Variants in ERC2 observed in about 807,000 individuals in gnomAD.
ERC2 encodes the protein ELKS/RAB6-interacting/CAST family member 2.
Under a neutral mutation model 114.8 loss-of-function variants are expected in ERC2, and 42 were observed. The ratio of observed to expected loss-of-function variants is 0.37; its 90% CI spans 0.29 to 0.47. The LOEUF (loss-of-function observed/expected upper bound fraction) is 0.47, where lower values mean the gene tolerates loss of function less well. Among genes scored for constraint, ERC2 ranks in the 20% least tolerant of loss-of-function variants. The pLI is 0.99. For missense variants in ERC2, 939 were observed against 1,150.7 expected (o/e 0.82, Z 2.66); for synonymous variants, 454 against 425.5 (o/e 1.07, Z -0.82).
intron 7 of ERC2, among the ~76,000 whole-genome samples, chr3:56,037,829 G>A (rs1260982386): frequency 6.6e-6 from 1 of 152,064 alleles, no homozygotes. Context: ...AAAAAGGGAA[G>A]CCCAGCAGAC....
chr3:55,907,016 G>C (rs900694189), intron 13 of ERC2, among the ~76,000 whole-genome samples: 3 of 152,136 alleles, frequency 2.0e-5, no homozygotes, highest in Non-Finnish European at 4.4e-5. Flanking sequence ...TGAGGGTAAG[G>C]TTTCCTGAAA....
intron 2 of ERC2, among the ~76,000 whole-genome samples, chr3:56,417,783 G>T (rs1444441849): frequency 2.6e-5 from 4 of 152,172 alleles, no homozygotes; most frequent in Non-Finnish European, 5.9e-5. Context: ...CATGTTGCCA[G>T]TTCTGCTCAC....
At chr3:55,571,604 A>T (rs2056718238) in intron 17 of ERC2, among the ~76,000 whole-genome samples, 1 of 152,178 alleles carries the variant, frequency 6.6e-6, no homozygotes, top group Non-Finnish European at 1.5e-5. Flanking sequence ...CAAAAGCCAC[A>T]ACAAAGGCTC....
intron 17 of ERC2, among the ~76,000 whole-genome samples, chr3:55,648,751 G>C (rs2060493237): frequency 6.6e-6 from 1 of 152,174 alleles, no homozygotes; most frequent in Admixed American, 6.5e-5. Context: ...GGCTGCCGAG[G>C]ACTGAGCCCC....
At chr3:55,587,462 G>A (rs899859659) in intron 17 of ERC2, among the ~76,000 whole-genome samples, 4 of 152,192 alleles carry the variant, frequency 2.6e-5, no homozygotes, top group African/African-American at 9.7e-5. Flanking sequence ...AAACATACCA[G>A]AACGTCTATC....
At chr3:56,040,856 A>G (rs1476170146) in intron 7 of ERC2, among the ~76,000 whole-genome samples, 1 of 150,690 alleles carries the variant, frequency 6.6e-6, no homozygotes, top group African/African-American at 2.4e-5. Flanking sequence ...AGAATTTTCT[A>G]AGGGTATTAT....
At chr3:56,039,088 T>C (rs2074981082) in intron 7 of ERC2, among the ~76,000 whole-genome samples, 1 of 152,192 alleles carries the variant, frequency 6.6e-6, no homozygotes, top group Non-Finnish European at 1.5e-5. Context: ...ATCCTCACCC[T>C]CATACCACTC....
chr3:55,978,572 C>T (rs543072022), intron 12 of ERC2, among the ~76,000 whole-genome samples: 1 of 152,344 alleles, frequency 6.6e-6, no homozygotes, highest in African/African-American at 2.4e-5. Context: ...ATCTTTGTCA[C>T]ATCCACAATC....
chr3:55,935,864 A>C (rs1389725839), intron 13 of ERC2, among the ~76,000 whole-genome samples: 1 of 152,210 alleles, frequency 6.6e-6, no homozygotes, highest in Non-Finnish European at 1.5e-5. Context: ...AATGAAAAAC[A>C]GCTAGGGTAG....
At chr3:56,391,795 G>T (rs1051489896) in intron 2 of ERC2, among the ~76,000 whole-genome samples, 2 of 152,178 alleles carry the variant, frequency 1.3e-5, no homozygotes, top group African/African-American at 4.8e-5. Context: ...GGAGAAAAAT[G>T]TGCCTGTAAT....
At chr3:55,730,635 C>T (rs546181581) in intron 15 of ERC2, among the ~76,000 whole-genome samples, 1 of 152,258 alleles carries the variant, frequency 6.6e-6, no homozygotes, top group East Asian at 1.9e-4. Flanking sequence ...CTTTGGGAGG[C>T]CGAGGTGGGA....
chr3:55,753,424 A>G (rs771113437), intron 14 of ERC2, among the ~76,000 whole-genome samples: 2 of 152,234 alleles, frequency 1.3e-5, no homozygotes, highest in Non-Finnish European at 2.9e-5. Flanking sequence ...GATCCCCCAC[A>G]GGAAAGCATC....
chr3:56,206,030 TTCATGA>T (rs761700367), intron 3 of ERC2, among the ~76,000 whole-genome samples: 1 of 152,164 alleles, frequency 6.6e-6, no homozygotes. Flanking sequence ...TGACTGTAAG[TTCATGA>T]TGGAATAGGT....
chr3:56,102,387 C>A (rs2078408899), intron 6 of ERC2, among the ~76,000 whole-genome samples: 2 of 152,098 alleles, frequency 1.3e-5, no homozygotes, highest in Admixed American at 6.5e-5. Flanking sequence ...TCATTCCTGG[C>A]AACTTATTTT....
intron 6 of ERC2, among the ~76,000 whole-genome samples, chr3:56,083,453 G>T (rs2077343990): frequency 6.6e-6 from 1 of 152,128 alleles, no homozygotes; most frequent in Non-Finnish European, 1.5e-5. Flanking sequence ...TCTCTAAATT[G>T]ATTAGGGAGA....
intron 3 of ERC2, among the ~76,000 whole-genome samples, chr3:56,239,546 C>T (rs376789815): frequency 4.6e-5 from 7 of 151,988 alleles, no homozygotes; most frequent in African/African-American, 1.4e-4. Context: ...AAAGAATAAA[C>T]GAAAGCCATG....
intron 14 of ERC2, among the ~76,000 whole-genome samples, chr3:55,846,012 A>G (rs1344492961): frequency 2.0e-5 from 3 of 152,236 alleles, no homozygotes; most frequent in African/African-American, 7.2e-5. Context: ...TTTAACTTTT[A>G]AGTTGGGCGG....
intron 17 of ERC2, among the ~76,000 whole-genome samples, chr3:55,679,420 T>A (rs955354060): frequency 1.3e-5 from 2 of 152,202 alleles, no homozygotes; most frequent in African/African-American, 4.8e-5. Context: ...TTAATCTCAG[T>A]ATCTTTCTGG....
intron 2 of ERC2, chr3:56,434,023 G>A (rs1484009530): frequency 3.5e-6 from 1 of 288,404 alleles, no homozygotes; most frequent in Non-Finnish European, 6.5e-6. Context: ...TTCAGAAGGA[G>A]GTACATCTGA....
Sources: gnomAD v4.1 joint callset for allele counts (sites outside exome capture counted in the v4.1 genomes callset) on GRCh38, gnomAD v4.1.1 for gene constraint, MANE v1.5 for transcripts, NCBI Gene and HGNC (gene_info 2026-07-23, HGNC 2026-07-21) for gene names.